Variants in FCHO2 observed in about 807,000 individuals in gnomAD.
FCHO2 encodes FCH and mu domain containing endocytic adaptor 2, also known as F-BAR domain only protein 2.
In FCHO2, 43 loss-of-function variants were observed where a neutral mutation model predicts 114.1. The observed-to-expected ratio is 0.38, with a 90% CI of 0.30 to 0.49. The LOEUF (loss-of-function observed/expected upper bound fraction) is 0.49. Among genes scored for constraint, FCHO2 ranks in the 20% least tolerant of loss-of-function variants. The pLI is 0.97. For synonymous variants in FCHO2, 293 were observed against 315.2 expected, an observed-to-expected ratio of 0.93 and a Z score of 0.75; for missense variants, 807 against 950.4, an observed-to-expected ratio of 0.85 and a Z score of 1.98.
chr5:72,985,805 G>C (rs1348963527), intron 2 of FCHO2, among the ~76,000 whole-genome samples: 1 of 152,036 alleles, frequency 6.6e-6, no homozygotes, highest in Non-Finnish European at 1.5e-5. Context: ...TTAATTTTCA[G>C]CGGTTTTTAC....
intron 8 of FCHO2, among the ~76,000 whole-genome samples, chr5:73,033,665 G>C (rs1208824131): frequency 1.3e-5 from 2 of 151,956 alleles, no homozygotes; most frequent in Non-Finnish European, 2.9e-5. Context: ...CACAAAAAAA[G>C]CTAGACTTTC....
intron 18 of FCHO2, among the ~76,000 whole-genome samples, chr5:73,066,962 T>C (rs1742376831): frequency 1.3e-5 from 2 of 152,044 alleles, no homozygotes; most frequent in African/African-American, 4.8e-5. Flanking sequence ...AGTAGCCACA[T>C]AGAAAAACAA....
intron 2 of FCHO2, among the ~76,000 whole-genome samples, chr5:72,977,008 C>G (rs1425321868): frequency 1.3e-5 from 2 of 152,142 alleles, no homozygotes; most frequent in Non-Finnish European, 2.9e-5. Context: ...GCCACATTTT[C>G]TTTATCCAGT....
rs1349455237 is a variant in FCHO2 at position 73,063,938 on chromosome 5, T to C, written c.1443T>C (p.Asn481=). The C allele has an allele frequency of 6.2e-7, 1 of 1,607,964 alleles. No homozygotes were observed. Among genetic ancestry groups the C allele is most frequent in the East Asian group, 2.2e-5 (1 of 44,742 alleles). The change falls in exon 18 of 26, where the codon AAT becomes AAC. Residue 481 remains asparagine, a synonymous_variant. Transcript: ENST00000430046. The part of the protein sequence containing the change: ...KLTSGKLSGI[N]EIPRPFSPPV... ...CTTCAGGCAAACTCAGTGGGATTAATGAAATAGTATGTACTCAGGTTTTTT... is the reference window on the plus strand; with the variant it reads ...CTTCAGGCAAACTCAGTGGGATTAACGAAATAGTATGTACTCAGGTTTTTT...
At chr5:73,023,702 A>C (rs1347704855) in intron 8 of FCHO2, among the ~76,000 whole-genome samples, 1 of 115,506 alleles carries the variant, frequency 8.7e-6, no homozygotes, top group African/African-American at 2.7e-5. Context: ...CTCCATCTCA[A>C]AAAAAAAAAA....
intron 8 of FCHO2, among the ~76,000 whole-genome samples, chr5:73,026,138 A>C (rs894905241): frequency 1.3e-5 from 2 of 152,162 alleles, no homozygotes; most frequent in African/African-American, 2.4e-5. Flanking sequence ...AGACCACTGC[A>C]TGACTGTTGG....
chr5:73,043,690 T>C (rs1471916360), intron 11 of FCHO2, among the ~76,000 whole-genome samples: 1 of 152,062 alleles, frequency 6.6e-6, no homozygotes, highest in African/African-American at 2.4e-5. Flanking sequence ...GGAAAGAACT[T>C]AATAAAAGCA....
chr5:73,010,619 G>C (rs1754954304), intron 6 of FCHO2, among the ~76,000 whole-genome samples: 1 of 152,010 alleles, frequency 6.6e-6, no homozygotes, highest in Non-Finnish European at 1.5e-5. Flanking sequence ...GCTCACGCCT[G>C]TAATCCCAGC....
intron 6 of FCHO2, among the ~76,000 whole-genome samples, chr5:73,008,491 T>G (rs1754831929): frequency 6.6e-6 from 1 of 151,998 alleles, no homozygotes; most frequent in Admixed American, 6.6e-5. Context: ...TGGGGAAGAT[T>G]AGATGAAGAA....
chr5:72,981,464 A>G (rs999020816), intron 2 of FCHO2, among the ~76,000 whole-genome samples: 10 of 152,032 alleles, frequency 6.6e-5, no homozygotes, highest in African/African-American at 1.2e-4. Flanking sequence ...GGTGTTCTCT[A>G]TATTTCCTGA....
chr5:73,079,256 C>T (rs1036501526), intron 22 of FCHO2, among the ~76,000 whole-genome samples: 1 of 152,112 alleles, frequency 6.6e-6, no homozygotes, highest in Non-Finnish European at 1.5e-5. Context: ...CAAACCACCG[C>T]TCCTGGCAAG....
At chr5:73,033,741 T>G (rs1756355423) in intron 8 of FCHO2, among the ~76,000 whole-genome samples, 1 of 152,192 alleles carries the variant, frequency 6.6e-6, no homozygotes, top group Non-Finnish European at 1.5e-5. Context: ...GTCTCATATT[T>G]AGCTTCTGGG....
At chr5:72,968,614 T>G (rs1347999730) in intron 2 of FCHO2, 25 bp downstream of exon 2, 3 of 1,446,410 alleles carry the variant, frequency 2.1e-6, no homozygotes, top group Non-Finnish European at 2.8e-6. Flanking sequence ...AATAAGTAAT[T>G]TGTTTAACAA....
chr5:72,958,740 A>G (rs1191743147), intron 1 of FCHO2, among the ~76,000 whole-genome samples: 1 of 152,234 alleles, frequency 6.6e-6, no homozygotes, highest in African/African-American at 2.4e-5. Flanking sequence ...AGGTTTTACA[A>G]TGGCAATTTA....
chr5:73,077,526 T>C (rs1374146448), intron 21 of FCHO2, 33 bp downstream of exon 21: 1 of 1,560,074 alleles, frequency 6.4e-7, no homozygotes, highest in Non-Finnish European at 8.7e-7. Flanking sequence ...AGGTTGAAAT[T>C]TCGTTTTAAG....
At chr5:73,000,118 C>T (rs1754353428) in intron 5 of FCHO2, among the ~76,000 whole-genome samples, 2 of 152,298 alleles carry the variant, frequency 1.3e-5, no homozygotes, top group South Asian at 4.2e-4. Flanking sequence ...CAATCCTTCA[C>T]CTCAGCTTCC....
intron 2 of FCHO2, among the ~76,000 whole-genome samples, chr5:72,977,319 T>A (rs1337989251): frequency 6.6e-6 from 1 of 152,228 alleles, no homozygotes; most frequent in Non-Finnish European, 1.5e-5. Context: ...ATGGGCATTC[T>A]GACTGTCATG....
At chr5:73,069,758 A>G (rs867443325) in intron 19 of FCHO2, among the ~76,000 whole-genome samples, 1 of 152,088 alleles carries the variant, frequency 6.6e-6, no homozygotes, top group Non-Finnish European at 1.5e-5. Flanking sequence ...CTCACCAAAC[A>G]AATTCAGTAT....
chr5:73,007,059 C>A (rs1268392757), intron 6 of FCHO2, among the ~76,000 whole-genome samples: 11 of 152,114 alleles, frequency 7.2e-5, no homozygotes, highest in Non-Finnish European at 1.2e-4. Flanking sequence ...CTAACATTTC[C>A]ACTCTCCGCT....
Sources: gnomAD v4.1 joint callset for allele counts (sites outside exome capture counted in the v4.1 genomes callset) on GRCh38, gnomAD v4.1.1 for gene constraint, MANE v1.5 for transcripts, NCBI Gene and HGNC (gene_info 2026-07-23, HGNC 2026-07-21) for gene names.